The following TBC1D4 variants were observed in gnomAD, a reference collection of about 807,000 sequenced individuals.
TBC1D4 encodes the protein TBC (Tre-2, BUB2, CDC16) domain-containing protein.
A neutral mutation model predicts 142.5 loss-of-function variants in TBC1D4; 121 were observed. That is an observed-to-expected ratio of 0.85 (90% CI 0.73 to 0.99). TBC1D4 has a LOEUF of 0.99. Ranked by LOEUF, TBC1D4 falls within the 50% of genes least tolerant of loss-of-function variation. The pLI, the probability that TBC1D4 is intolerant of heterozygous loss-of-function variation, is 0.00. For synonymous variants in TBC1D4, 630 were observed against 628.2 expected (o/e 1.00, Z -0.04); for missense variants, 1,475 against 1,606.6 (o/e 0.92, Z 1.40).
intron 1 of TBC1D4, among the ~76,000 whole-genome samples, chr13:75,456,137 A>C (rs17257170): frequency 0.086 from 13,075 of 152,112 alleles, 599 homozygotes; most frequent in Admixed American, 0.13. Flanking sequence ...ACATAGGCTT[A>C]GTGTCCAATA....
chr13:75,361,387 T>G (rs73221904), intron 2 of TBC1D4, among the ~76,000 whole-genome samples: 41 of 152,312 alleles, frequency 2.7e-4, no homozygotes, highest in Non-Finnish European at 5.6e-4. Context: ...CTACAATTTT[T>G]TTGTTGTTGT....
Position 75,349,309 on chromosome 13 carries a change from G to A in TBC1D4, c.1276-7C>T, listed in dbSNP as rs1881416752. On this transcript the variant is annotated splice_polypyrimidine_tract_variant and splice_region_variant and intron_variant, in intron 4 of 20. Coordinates refer to ENST00000377636, the MANE Select transcript of TBC1D4 (RefSeq NM_014832.5). ...TCAGCATTACCTCATCAACCTACAG[G>A]AAGAAACAAAACTCAGGTCTATAAA... The A allele has an allele frequency of 6.2e-7, 1 of 1,613,574 alleles. No homozygotes were observed. Among genetic ancestry groups the A allele is most frequent in the Non-Finnish European group, 8.5e-7 (1 of 1,179,832 alleles).
chr13:75,390,937 A>C (rs1884447417), intron 1 of TBC1D4, among the ~76,000 whole-genome samples: 1 of 151,362 alleles, frequency 6.6e-6, no homozygotes, highest in Non-Finnish European at 1.5e-5. Context: ...GAGAGCTTCC[A>C]CAAGTTCTGA....
At chr13:75,338,248 C>T (rs1366584058) in intron 7 of TBC1D4, among the ~76,000 whole-genome samples, 1 of 150,340 alleles carries the variant, frequency 6.7e-6, no homozygotes, top group African/African-American at 2.5e-5. Flanking sequence ...TAAGAAGTTA[C>T]AGATGCAAGA....
intron 1 of TBC1D4, among the ~76,000 whole-genome samples, chr13:75,412,826 G>T (rs1216691000): frequency 6.6e-6 from 1 of 152,212 alleles, no homozygotes; most frequent in East Asian, 1.9e-4. Flanking sequence ...ATTTATTGTT[G>T]CAGAGAAGTT....
intron 1 of TBC1D4, among the ~76,000 whole-genome samples, chr13:75,393,720 T>C (rs1884615177): frequency 6.6e-6 from 1 of 151,812 alleles, no homozygotes. Context: ...TCACCTAAGG[T>C]TGGGAGTTCG....
At chr13:75,329,426 C>T (rs1291317434) in intron 8 of TBC1D4, among the ~76,000 whole-genome samples, 1 of 150,686 alleles carries the variant, frequency 6.6e-6, no homozygotes, top group Non-Finnish European at 1.5e-5. Flanking sequence ...CTCCTCTCCT[C>T]TCTCTCTTTC....
intron 19 of TBC1D4, 152 bp from the exon 20 acceptor site, chr13:75,289,262 T>A (rs1875018541): frequency 2.5e-6 from 2 of 803,558 alleles, no homozygotes; most frequent in South Asian, 3.2e-5. Context: ...TAACTGTCAA[T>A]ACAAGAATAA....
At chr13:75,424,662 A>C (rs918341907) in intron 1 of TBC1D4, among the ~76,000 whole-genome samples, 3 of 152,228 alleles carry the variant, frequency 2.0e-5, no homozygotes, top group Admixed American at 2.0e-4. Flanking sequence ...GCATAAAAGC[A>C]TACACATAGG....
rs201082191 is a variant in TBC1D4 at position 75,356,206 on chromosome 13, G to A, written c.1216C>T (p.Pro406Ser). ...DHFGFICRES[P>S]EPGLSQYICY... ...ATATACTGGCTAAGTCCAGGCTCTG[G>A]AGACTCCCGGCAGATAAAGCCAAAG... Residue 406 changes from proline (P) to serine (S), a missense_variant, in exon 4 of 21, where the codon CCA becomes TCA. Physicochemically the swap from Pro to Ser is moderately conservative, Grantham distance 74. This residue lies in a region of TBC1D4 where 1,227 missense variants were observed against 1,267.7 expected (regional missense o/e 0.97). Coordinates refer to ENST00000377636, the MANE Select transcript of TBC1D4 (RefSeq NM_014832.5). 2.1e-5 allele frequency: 34 copies of A among 1,613,708 alleles called. No homozygotes were observed. Among genetic ancestry groups the A allele is most frequent in the Middle Eastern group, 1.6e-4 (1 of 6,080 alleles).
intron 1 of TBC1D4, among the ~76,000 whole-genome samples, chr13:75,437,649 C>T (rs1399291036): frequency 6.6e-6 from 1 of 151,826 alleles, no homozygotes; most frequent in African/African-American, 2.4e-5. Context: ...CTACAATACA[C>T]CGATATACAG....
At chr13:75,388,842 T>A (rs978274529) in intron 1 of TBC1D4, among the ~76,000 whole-genome samples, 2 of 152,224 alleles carry the variant, frequency 1.3e-5, no homozygotes, top group East Asian at 1.9e-4. Flanking sequence ...AATGATCTGC[T>A]CACCATATGT....
At chr13:75,407,034 G>A (rs1380966509) in intron 1 of TBC1D4, among the ~76,000 whole-genome samples, 1 of 152,148 alleles carries the variant, frequency 6.6e-6, no homozygotes, top group Non-Finnish European at 1.5e-5. Flanking sequence ...AGGCATGTGA[G>A]ACAAGCTGAC....
chr13:75,339,823 C>T (rs763121727), intron 7 of TBC1D4, among the ~76,000 whole-genome samples: 1 of 152,186 alleles, frequency 6.6e-6, no homozygotes, highest in Non-Finnish European at 1.5e-5. Flanking sequence ...TCACCAGCCT[C>T]AGCCTCCCAA....
intron 13 of TBC1D4, 78 bp from the exon 14 acceptor site, chr13:75,310,229 C>T: frequency 7.2e-7 from 1 of 1,388,768 alleles, no homozygotes; most frequent in South Asian, 1.2e-5. Context: ...TTCACATTCT[C>T]ATCTGATCTT....
chr13:75,336,553 CA>C (rs1880223295), intron 8 of TBC1D4, among the ~76,000 whole-genome samples: 1 of 152,030 alleles, frequency 6.6e-6, no homozygotes, highest in Non-Finnish European at 1.5e-5. Flanking sequence ...ACTAAAAATA[CA>C]AAAATTAGCC....
At chr13:75,351,001 G>A (rs1266944918) in intron 4 of TBC1D4, among the ~76,000 whole-genome samples, 2 of 152,080 alleles carry the variant, frequency 1.3e-5, no homozygotes, top group East Asian at 3.9e-4. Flanking sequence ...AATTATTTTA[G>A]TCTAGATACA....
chr13:75,310,487 G>A (rs1455091404), intron 13 of TBC1D4, among the ~76,000 whole-genome samples: 1 of 152,074 alleles, frequency 6.6e-6, no homozygotes, highest in Non-Finnish European at 1.5e-5. Flanking sequence ...TGGCTGTGAG[G>A]AACGAGATTA....
At chr13:75,304,331 G>C (rs914740397) in intron 15 of TBC1D4, among the ~76,000 whole-genome samples, 2 of 152,130 alleles carry the variant, frequency 1.3e-5, no homozygotes, top group African/African-American at 4.8e-5. Context: ...GTATGTAACA[G>C]AGAATAAAGC....
Sources: allele counts gnomAD v4.1 joint callset (sites outside exome capture counted in the v4.1 genomes callset), GRCh38; gene constraint gnomAD v4.1.1; regional missense constraint gnomAD v4.1.1; transcripts MANE v1.5; gene names NCBI Gene and HGNC (gene_info 2026-07-23, HGNC 2026-07-21).